Variants in SNX18 observed in about 807,000 individuals in gnomAD.
The protein encoded by SNX18 is sorting nexin-18.
SNX18 carries 35 observed loss-of-function variants against 48.7 expected under a neutral mutation model. That is an observed-to-expected ratio of 0.72 (90% confidence interval 0.55 to 0.95). The LOEUF (loss-of-function observed/expected upper bound fraction) is 0.95. Ranked by LOEUF, SNX18 falls within the 40% of genes least tolerant of loss-of-function variation. The pLI is 0.00. For missense variants in SNX18, 824 were observed against 871.0 expected, an observed-to-expected ratio of 0.95 and a Z score of 0.68; for synonymous variants, 492 against 384.7, an observed-to-expected ratio of 1.28 and a Z score of -3.26.
chr5:54,641,180 CCA>C, the SNX18 span, among the ~76,000 whole-genome samples: 1 of 152,172 alleles, frequency 6.6e-6, no homozygotes, highest in African/African-American at 2.4e-5. Context: ...TTGTTCTTCA[CCA>C]GAGTCAGGCC....
chr5:54,518,342 G>C lies in SNX18; in HGVS notation c.390G>C (p.Gly130=). 1 of 1,523,264 alleles carries C rather than the reference G, an allele frequency of 6.6e-7. No homozygotes were observed. The highest frequency in any genetic ancestry group is 1.4e-5 in the African/African-American group (1 of 70,826). 94.4% of individuals were successfully genotyped at this position (1,523,264 alleles called of 1,614,324 possible). A position where few individuals can be genotyped will look rare whatever the true frequency, so the allele number is the denominator to read the frequency against. ...QPPGAGFPYG[G]GALQPSPQQL... ...CCGGCGCGGGCTTCCCGTACGGCGG[G>C]GGCGCCCTGCAGCCGTCGCCTCAGC... Residue 130 remains glycine, a synonymous_variant, in exon 1 of 2, where the codon GGG becomes GGC. Coordinates refer to ENST00000381410, the MANE Select transcript of SNX18 (RefSeq NM_001102575.2).
the SNX18 span, among the ~76,000 whole-genome samples, chr5:54,602,648 C>T: frequency 6.6e-6 from 1 of 151,988 alleles, no homozygotes; most frequent in African/African-American, 2.4e-5. Context: ...AACTTTAGAA[C>T]AGGAAGGAGA....
At chr5:54,590,666 T>G in the SNX18 span, among the ~76,000 whole-genome samples, 1 of 152,166 alleles carries the variant, frequency 6.6e-6, no homozygotes, top group Non-Finnish European at 1.5e-5. Context: ...GATATCCAAC[T>G]AAGCAGACAT....
At chr5:54,555,652 C>T in the SNX18 span, among the ~76,000 whole-genome samples, 1 of 151,624 alleles carries the variant, frequency 6.6e-6, no homozygotes, top group Non-Finnish European at 1.5e-5. Context: ...ACAGTGAAAC[C>T]CTGTTTCTAC....
the SNX18 span, among the ~76,000 whole-genome samples, chr5:54,558,001 T>C: frequency 6.6e-6 from 1 of 152,296 alleles, no homozygotes; most frequent in South Asian, 2.1e-4. Context: ...CCCAAAGTGC[T>C]GGGATTATAG....
the SNX18 span, among the ~76,000 whole-genome samples, chr5:54,587,274 G>A: frequency 1.3e-5 from 2 of 152,146 alleles, no homozygotes; most frequent in South Asian, 4.1e-4. Flanking sequence ...AAGTTGGTAT[G>A]TAAACAAAAG....
At chr5:54,571,491 T>C in the SNX18 span, among the ~76,000 whole-genome samples, 124,056 of 152,180 alleles carry the variant, frequency 0.82, 50,736 homozygotes, top group Middle Eastern at 0.84. Context: ...GTAAGAATTG[T>C]TCTCTGAAGT....
At chr5:54,564,553 G>A in the SNX18 span, among the ~76,000 whole-genome samples, 10 of 152,000 alleles carry the variant, frequency 6.6e-5, no homozygotes, top group African/African-American at 1.4e-4. Flanking sequence ...GGTCTCACTG[G>A]GCTAAAATCA....
At chr5:54,588,931 G>A in the SNX18 span, among the ~76,000 whole-genome samples, 1 of 152,156 alleles carries the variant, frequency 6.6e-6, no homozygotes, top group Admixed American at 6.5e-5. Flanking sequence ...GTGCCTGGGT[G>A]CATAGTTTGG....
At chr5:54,601,290 C>G in the SNX18 span, among the ~76,000 whole-genome samples, 2 of 152,198 alleles carry the variant, frequency 1.3e-5, no homozygotes, top group Admixed American at 1.3e-4. Flanking sequence ...GCCACTGATT[C>G]TATCTAGTCC....
the SNX18 span, among the ~76,000 whole-genome samples, chr5:54,589,754 T>A: frequency 2.1e-4 from 32 of 152,134 alleles, no homozygotes; most frequent in South Asian, 2.1e-4. Flanking sequence ...GCCCAGTCAA[T>A]GGATTCTGCA....
At chr5:54,576,255 G>A in the SNX18 span, among the ~76,000 whole-genome samples, 3 of 152,190 alleles carry the variant, frequency 2.0e-5, no homozygotes, top group East Asian at 1.9e-4. Flanking sequence ...CCTGACCCAC[G>A]GAATCCATGA....
the SNX18 span, among the ~76,000 whole-genome samples, chr5:54,597,825 A>G: frequency 1.3e-4 from 20 of 152,246 alleles, 1 homozygote; most frequent in South Asian, 4.1e-3. Context: ...CACAACAAAA[A>G]TAACTAGAGA....
intron 1 of SNX18, among the ~76,000 whole-genome samples, chr5:54,527,017 G>C (rs1433043042): frequency 2.0e-5 from 3 of 152,034 alleles, no homozygotes; most frequent in African/African-American, 7.2e-5. Flanking sequence ...GTGGACATGT[G>C]CCAGGCAGGT....
intron 1 of SNX18, 103 bp downstream of exon 1, chr5:54,519,676 C>A: frequency 1.2e-6 from 2 of 1,614,204 alleles, no homozygotes; most frequent in Non-Finnish European, 1.7e-6. Context: ...TCATATTCTA[C>A]AGGTGAGGAA....
chr5:54,582,062 C>A, the SNX18 span, among the ~76,000 whole-genome samples: 6 of 152,340 alleles, frequency 3.9e-5, no homozygotes, highest in Non-Finnish European at 8.8e-5. Flanking sequence ...CGCCTCTATA[C>A]CCTGGCAAGG....
chr5:54,599,743 TC>T, the SNX18 span, among the ~76,000 whole-genome samples: 3 of 152,048 alleles, frequency 2.0e-5, no homozygotes, highest in African/African-American at 7.2e-5. Context: ...GGAAAGGACT[TC>T]CTATTCAAAA....
chr5:54,542,096 G>A (rs1449253763), intron 1 of SNX18, among the ~76,000 whole-genome samples: 1 of 152,144 alleles, frequency 6.6e-6, no homozygotes, highest in East Asian at 1.9e-4. Context: ...TGAGTGCTAG[G>A]CACAGTCGGG....
At chr5:54,604,634 T>C in the SNX18 span, among the ~76,000 whole-genome samples, 12 of 152,174 alleles carry the variant, frequency 7.9e-5, no homozygotes, top group Non-Finnish European at 8.8e-5. Context: ...AGGGTGTCAC[T>C]ATTAAATGGT....
Sources: allele counts gnomAD v4.1 joint callset (sites outside exome capture counted in the v4.1 genomes callset), GRCh38; gene constraint gnomAD v4.1.1; transcripts MANE v1.5; gene names NCBI Gene and HGNC (gene_info 2026-07-23, HGNC 2026-07-21).